The following DDX31 variants were observed in gnomAD, a reference collection of about 807,000 sequenced individuals.
DDX31 encodes the protein DEAD-box helicase 31.
A neutral mutation model predicts 91.3 loss-of-function variants in DDX31; 70 were observed. The ratio of observed to expected loss-of-function variants is 0.77; its 90% CI spans 0.63 to 0.94. DDX31 has a LOEUF of 0.94. DDX31 is among the 40% of genes least tolerant of loss of function. The pLI, the probability that DDX31 is intolerant of heterozygous loss-of-function variation, is 0.00. For missense variants in DDX31, 902 were observed against 925.0 expected (o/e 0.98, Z 0.32); for synonymous variants, 362 against 350.6 (o/e 1.03, Z -0.36).
intron 19 of DDX31, among the ~76,000 whole-genome samples, chr9:132,598,260 A>C (rs306542): frequency 0.83 from 126,534 of 152,140 alleles, 52,971 homozygotes; most frequent in African/African-American, 0.93. Flanking sequence ...GGAAGATGAA[A>C]TGCTCTAAAC....
Position 132,630,264 on chromosome 9 carries a change from T to C in DDX31, c.1631A>G (p.Asn544Ser), listed in dbSNP as rs2130654939. 5 of 1,574,366 alleles carry C rather than the reference T, an allele frequency of 3.2e-6. No homozygotes were observed. The highest frequency in any genetic ancestry group is 2.3e-5 in the East Asian group (1 of 43,790). The part of the protein sequence containing the change: ...YVNSLASHKI[N>S]VSEIKMEDIL... The stretch of plus-strand genomic sequence containing the variant: ...AACCCCATTCAGGTTTCTGACTCAC[T>C]TGATTTTGTGAGAAGCCAACGAGTT... Residue 544 changes from asparagine (N) to serine (S), a missense_variant and splice_region_variant, in exon 16 of 20, where the codon AAC (asparagine) becomes AGC (serine). Transcript: ENST00000372159.
At chr9:132,625,234 A>T (rs1832323072) in intron 17 of DDX31, among the ~76,000 whole-genome samples, 3 of 152,198 alleles carry the variant, frequency 2.0e-5, no homozygotes, top group Admixed American at 2.0e-4. Flanking sequence ...CACACACATT[A>T]AAAAATGGAT....
chr9:132,604,067 T>C (rs370180432), intron 19 of DDX31, among the ~76,000 whole-genome samples: 1 of 152,068 alleles, frequency 6.6e-6, no homozygotes, highest in South Asian at 2.1e-4. Context: ...CACCTGACCG[T>C]AGAAGGAAGG....
chr9:132,631,021 A>G (rs1353601303), intron 15 of DDX31, among the ~76,000 whole-genome samples: 3 of 152,264 alleles, frequency 2.0e-5, no homozygotes, highest in African/African-American at 7.2e-5. Flanking sequence ...GCAGGTAGGG[A>G]CATGCTTCTG....
chr9:132,601,458 C>T (rs933798719), intron 19 of DDX31, among the ~76,000 whole-genome samples: 6 of 152,202 alleles, frequency 3.9e-5, no homozygotes, highest in Admixed American at 3.9e-4. Context: ...CTCTGTAAAA[C>T]AGGGATAACA....
At position 132,594,457 on chromosome 9, in the gene DDX31, T is replaced by G. The variant is rs1156461414; in HGVS notation, c.*409A>C. 5.8e-6 allele frequency: 1 copy of G among 171,780 alleles called. No individual in the cohort carries two copies. The highest frequency in any genetic ancestry group is 5.6e-5 in the Admixed American group (1 of 17,958). 10.6% of individuals were successfully genotyped at this position (171,780 alleles called of 1,614,324 possible). ...ACAAAATTCATGCCAATGTATGCGC[T>G]GATAGGCTGAAGCCAAGCTGTGAAA... On this transcript the variant is annotated 3_prime_UTR_variant, in exon 20 of 20. Coordinates refer to ENST00000372159, the MANE Select transcript of DDX31 (RefSeq NM_022779.9).
chr9:132,648,579 A>G, intron 9 of DDX31, 28 bp from the exon 10 acceptor site: 1 of 1,589,668 alleles, frequency 6.3e-7, no homozygotes, highest in Non-Finnish European at 8.5e-7. Flanking sequence ...TCATAAAAGA[A>G]AGTAAATCAA....
intron 1 of DDX31, among the ~76,000 whole-genome samples, chr9:132,664,390 C>G (rs74754423): frequency 6.6e-6 from 1 of 152,072 alleles, no homozygotes; most frequent in African/African-American, 2.4e-5. Flanking sequence ...ATTAGGTTTT[C>G]CATTGCTCTT....
In DDX31 at chr9:132,648,267, T is replaced by C. The variant is rs779138714; in HGVS notation, c.889A>G (p.Ile297Val). The change falls in exon 11 of 20, where the codon ATC (isoleucine) becomes GTC (valine). Residue 297 changes from isoleucine to valine, a missense_variant. Transcript: ENST00000372159. The stretch of plus-strand genomic sequence containing the variant: ...TTTACAGCATTAAGTATCACTGTGA[T>C]GTCCTTTTCAAAACCCAAATCCAAG... ...RILDLGFEKD[I>V]TVILNAVNAE... 6 of 1,612,112 alleles carry C rather than the reference T, an allele frequency of 3.7e-6. No individual in the cohort carries two copies. In the South Asian group the frequency reaches 6.6e-5, roughly 18 times the overall value.
intron 17 of DDX31, 68 bp downstream of exon 17, chr9:132,625,596 G>T (rs759635919): frequency 2.7e-5 from 34 of 1,240,788 alleles, no homozygotes; most frequent in Non-Finnish European, 4.0e-5. Context: ...CATACACAAA[G>T]TCTCTACTAC....
Position 132,666,992 on chromosome 9 carries a change from C to T in DDX31, c.75+2868G>A, listed in dbSNP as rs147420253. Among the ~76,000 whole-genome samples, 679 of 151,560 alleles carry T rather than the reference C, an allele frequency of 4.5e-3. 3 individuals carry two copies. Among genetic ancestry groups the T allele is most frequent in the Middle Eastern group, 0.028 (8 of 290 alleles). On this transcript the variant is annotated intron_variant, in intron 1 of 19. Coordinates refer to ENST00000372159, the MANE Select transcript of DDX31 (RefSeq NM_022779.9). The stretch of plus-strand genomic sequence containing the variant: ...CCTCCCAAAGTGCTGGGATTACAGG[C>T]GTGAGCCACTGCGCCAAGCCTTTTT...
chr9:132,663,167 G>A, intron 1 of DDX31: 1 of 1,288,894 alleles, frequency 7.8e-7, no homozygotes, highest in South Asian at 1.2e-5. Context: ...AGGAGAGAGG[G>A]GCGAGGGGGA....
intron 6 of DDX31, chr9:132,658,242 G>A (rs1226343631): frequency 7.1e-6 from 5 of 701,844 alleles, no homozygotes; most frequent in Non-Finnish European, 1.0e-5. Context: ...CTTGGTCTCT[G>A]CAGCCAAACA....
intron 19 of DDX31, among the ~76,000 whole-genome samples, chr9:132,611,559 A>C (rs185330443): frequency 2.0e-5 from 3 of 152,048 alleles, no homozygotes; most frequent in African/African-American, 7.2e-5. Context: ...AGTCCTGAAC[A>C]TGCTCTTTTT....
At chr9:132,622,854 C>T (rs1359124996) in intron 17 of DDX31, among the ~76,000 whole-genome samples, 1 of 151,976 alleles carries the variant, frequency 6.6e-6, no homozygotes, top group African/African-American at 2.4e-5. Flanking sequence ...CTTTGGGCCG[C>T]GTGTGGTGGC....
chr9:132,613,004 C>A (rs908898303), intron 18 of DDX31, among the ~76,000 whole-genome samples: 1 of 152,148 alleles, frequency 6.6e-6, no homozygotes, highest in Non-Finnish European at 1.5e-5. Flanking sequence ...CCTCAAGCTC[C>A]TGGGTTCAAG....
At chr9:132,623,440 C>T (rs1935632228) in intron 17 of DDX31, among the ~76,000 whole-genome samples, 1 of 148,758 alleles carries the variant, frequency 6.7e-6, no homozygotes. Context: ...CCTGTATTCC[C>T]AGCTACTTGG....
intron 14 of DDX31, among the ~76,000 whole-genome samples, chr9:132,638,598 C>G (rs1163273458): frequency 6.6e-6 from 1 of 152,156 alleles, no homozygotes; most frequent in Non-Finnish European, 1.5e-5. Context: ...TTCTTTTGCC[C>G]CCAGCTATGC....
chr9:132,669,261 C>CT (rs1289453468), intron 1 of DDX31, among the ~76,000 whole-genome samples: 1 of 138,614 alleles, frequency 7.2e-6, no homozygotes, highest in Non-Finnish European at 1.6e-5. Flanking sequence ...CGCCCGCCCC[C>CT]CCCAAAGAAC....
Sources: allele counts gnomAD v4.1 joint callset (sites outside exome capture counted in the v4.1 genomes callset), GRCh38; gene constraint gnomAD v4.1.1; transcripts MANE v1.5; gene names NCBI Gene and HGNC (gene_info 2026-07-23, HGNC 2026-07-21).